Variants in AZU1 observed in about 807,000 individuals in gnomAD.
AZU1 encodes the protein azurocidin.
A neutral mutation model predicts 17.8 loss-of-function variants in AZU1; 21 were observed. That is an observed-to-expected ratio of 1.18 (90% confidence interval 0.84 to 1.70). The LOEUF is 1.70. AZU1 is among the 40% of genes most tolerant of loss of function. The probability of loss-of-function intolerance (pLI) is 0.00; values close to 1 mark genes in which losing one functional copy is unlikely to be tolerated. For missense variants in AZU1, 379 were observed against 362.9 expected, an observed-to-expected ratio of 1.04 and a Z score of -0.36; for synonymous variants, 178 against 155.2, an observed-to-expected ratio of 1.15 and a Z score of -1.09.
intron 4 of AZU1, 110 bp downstream of exon 4, chr19:831,051 G>A: frequency 1.0e-6 from 1 of 976,670 alleles, no homozygotes; most frequent in Non-Finnish European, 1.5e-6. Flanking sequence ...CCCCAGGATT[G>A]AGCATTTTCA....
At chr19:831,632 AG>A in intron 4 of AZU1, 83 bp from the exon 5 acceptor site, 1 of 1,399,490 alleles carries the variant, frequency 7.1e-7, no homozygotes. Context: ...TGTAGGTTCC[AG>A]GGGCAGCAAG....
At chr19:831,661 G>T in intron 4 of AZU1, 55 bp from the exon 5 acceptor site, 1 of 1,510,304 alleles carries the variant, frequency 6.6e-7, no homozygotes, top group Non-Finnish European at 8.9e-7. Flanking sequence ...TGCAGTTCTG[G>T]GGTGGCGTGG....
chr19:830,135 C>T (rs986194578), intron 3 of AZU1, among the ~76,000 whole-genome samples: 1 of 152,072 alleles, frequency 6.6e-6, no homozygotes, highest in African/African-American at 2.4e-5. Flanking sequence ...CAGCGGGCGC[C>T]TCTAGTCCCA....
chr19:828,278 G>T lies in AZU1; in HGVS notation c.107G>T (p.Arg36Leu), dbSNP rs755041641. 3.7e-6 allele frequency: 6 copies of T among 1,611,592 alleles called. No homozygotes were observed. Among genetic ancestry groups the T allele is most frequent in the Admixed American group, 3.3e-5 (2 of 59,822 alleles). Residue 36 changes from arginine (R) to leucine (L), a missense_variant, in exon 2 of 5, where the codon CGC becomes CTC. By Grantham distance (102) the Arg-to-Leu change is moderately radical. Coordinates refer to ENST00000233997, the MANE Select transcript of AZU1 (RefSeq NM_001700.5). ...GTTGGCGGCCGGAAGGCGAGGCCCC[G>T]CCAGTTCCCGTTCCTGGCCTCCATT... is the stretch of plus-strand genomic sequence containing the variant. ...DIVGGRKARP[R>L]QFPFLASIQN...
At chr19:827,953 C>T (rs753290003) in intron 1 of AZU1, 49 bp downstream of exon 1, 46 of 1,533,620 alleles carry the variant, frequency 3.0e-5, no homozygotes, top group Non-Finnish European at 3.4e-5. Context: ...TAGGGCCCGG[C>T]TGCCAGGGCA....
Position 830,027 on chromosome 19 carries a change from C to T in AZU1, c.360+321C>T, listed in dbSNP as rs563964649. Among the ~76,000 whole-genome samples the T allele has an allele frequency of 5.1e-4, 77 of 150,130 alleles. 1 individual carries two copies. Among genetic ancestry groups the T allele is most frequent in the Non-Finnish European group, 1.0e-3 (69 of 67,732 alleles). ...CTGTAATCCCAGCATTTTGGGAGGC[C>T]GAGGTGGGCGGATCACGAGGTCAGG... On this transcript the variant is annotated intron_variant, in intron 3 of 4. Coordinates refer to ENST00000233997, the MANE Select transcript of AZU1 (RefSeq NM_001700.5).
chr19:828,224 A>T lies in AZU1; in HGVS notation c.59-6A>T, dbSNP rs369485730. 2.3e-5 allele frequency: 36 copies of T among 1,595,498 alleles called. No homozygotes were observed. The African/African-American group carries it at 4.7e-4, about 21-fold the overall frequency. On this transcript the variant is annotated splice_region_variant and splice_polypyrimidine_tract_variant and intron_variant, in intron 1 of 4. Transcript: ENST00000233997. ...GGGATCTCAGAGCTGTCTCCCCCCG[A>T]CCCAGGCTCCAGCCCCCTTTTGGAC...
In AZU1 at chr19:830,566, C is replaced by G. The variant is rs1408580138; in HGVS notation, c.361-142C>G. On this transcript the variant is annotated intron_variant, in intron 3 of 4. Coordinates refer to ENST00000233997, the MANE Select transcript of AZU1 (RefSeq NM_001700.5). ...ACGTGCTGGGAATACAGGCGTGAGC[C>G]ACCGCACCCGGCCCCTGCCGGGAAT... 25 of 740,924 alleles carry G rather than the reference C, an allele frequency of 3.4e-5. 1 individual carries two copies. The East Asian group carries it at 4.2e-4, about 12-fold the overall frequency. 45.9% of individuals were successfully genotyped at this position (740,924 alleles called of 1,614,324 possible).
Position 830,960 on chromosome 19 carries a change from G to A in AZU1, c.594+19G>A, listed in dbSNP as rs1027553314. 23 of 1,594,236 alleles carry A rather than the reference G, an allele frequency of 1.4e-5. No homozygotes were observed. The East Asian group carries it at 1.6e-4, about 11-fold the overall frequency. The stretch of plus-strand genomic sequence containing the variant: ...CTGCAATGTGAGTGCTCCCTGTGGC[G>A]GGAGGAGGGGTCCTGAGAGGTACTG... On this transcript the variant is annotated intron_variant, in intron 4 of 4. Coordinates refer to ENST00000233997, the MANE Select transcript of AZU1 (RefSeq NM_001700.5).
chr19:831,008 C>G, intron 4 of AZU1, 67 bp downstream of exon 4: 2 of 1,496,806 alleles, frequency 1.3e-6, no homozygotes, highest in Non-Finnish European at 1.8e-6. Flanking sequence ...CAGGAGAAAG[C>G]AAGTGCAGGC....
intron 3 of AZU1, among the ~76,000 whole-genome samples, chr19:830,399 G>T (rs916268915): frequency 3.9e-5 from 6 of 152,116 alleles, no homozygotes; most frequent in African/African-American, 1.2e-4. Flanking sequence ...TTCATGTTTG[G>T]TTTTTTTCTT....
At chr19:828,517 A>C in intron 2 of AZU1, 131 bp downstream of exon 2, 1 of 983,530 alleles carries the variant, frequency 1.0e-6, no homozygotes, top group South Asian at 2.0e-5. Context: ...GGCTCAGGGA[A>C]AGGAGGGGGC....
intron 4 of AZU1, chr19:831,329 T>C (rs796763613): frequency 3.1e-5 from 10 of 317,628 alleles, no homozygotes; most frequent in African/African-American, 2.1e-4. Flanking sequence ...CGACCCACCT[T>C]GGCCTCCCAA....
At chr19:831,189 T>C (rs2145103004) in intron 4 of AZU1, 2 of 492,380 alleles carry the variant, frequency 4.1e-6, no homozygotes, top group East Asian at 3.4e-5. Flanking sequence ...CAAGCGATTC[T>C]CCTGCCTCAG....
intron 3 of AZU1, among the ~76,000 whole-genome samples, chr19:829,936 A>ATGTGTGTGTGTGTGTGTGTGTGTGTGTG (rs59995493): frequency 1.5e-5 from 2 of 137,766 alleles, no homozygotes; most frequent in African/African-American, 5.6e-5. Context: ...AAAAATATAT[A>ATGTGTGTGTGTGTGTGTGTGTGTGTGTG]TGTGTGTGTG....
At chr19:829,130 A>G (rs1172128599) in intron 2 of AZU1, among the ~76,000 whole-genome samples, 9 of 94,268 alleles carry the variant, frequency 9.5e-5, no homozygotes, top group Admixed American at 8.0e-4. Flanking sequence ...GAGGAGGTGC[A>G]GAGAAGGGAA....
chr19:829,291 G>A (rs1392205719), intron 2 of AZU1, among the ~76,000 whole-genome samples: 9 of 151,242 alleles, frequency 6.0e-5, no homozygotes, highest in African/African-American at 1.5e-4. Flanking sequence ...GATGGAGGAG[G>A]CTCAGAGAAG....
intron 4 of AZU1, chr19:831,206 A>G (rs2035284373): frequency 6.5e-6 from 3 of 464,412 alleles, no homozygotes; most frequent in South Asian, 6.8e-5. Context: ...TCAGCCTCCT[A>G]AGTAGCTGGG....
At chr19:828,930 G>A (rs1283945670) in intron 2 of AZU1, among the ~76,000 whole-genome samples, 3 of 111,552 alleles carry the variant, frequency 2.7e-5, no homozygotes, top group Admixed American at 9.3e-5. Context: ...TGGAGGAGGT[G>A]CGGAGAAGGG....
Sources: allele counts gnomAD v4.1 joint callset (sites outside exome capture counted in the v4.1 genomes callset), GRCh38; gene constraint gnomAD v4.1.1; transcripts MANE v1.5; gene names NCBI Gene and HGNC (gene_info 2026-07-23, HGNC 2026-07-21).